The following FAM114A2 variants were observed in gnomAD, a reference collection of about 807,000 sequenced individuals.
FAM114A2 encodes the protein protein FAM114A2.
In FAM114A2, 53 loss-of-function variants were observed where a neutral mutation model predicts 58.4. The ratio of observed to expected loss-of-function variants is 0.91; its 90% CI spans 0.73 to 1.14. The LOEUF is 1.14. Ranked by LOEUF, FAM114A2 falls within the 50% of genes most tolerant of loss-of-function variation. The pLI, the probability that FAM114A2 is intolerant of heterozygous loss-of-function variation, is 0.00. For missense variants in FAM114A2, 601 were observed against 581.1 expected (o/e 1.03, Z -0.35); for synonymous variants, 228 against 211.4 (o/e 1.08, Z -0.68).
intron 2 of FAM114A2, 60 bp downstream of exon 2, chr5:154,034,684 C>A (rs547255282): frequency 7.9e-7 from 1 of 1,267,436 alleles, no homozygotes; most frequent in East Asian, 2.3e-5. Flanking sequence ...CTTTTAGCCC[C>A]AACATTTTTT....
intron 10 of FAM114A2, 31 bp downstream of exon 10, chr5:154,002,816 C>G (rs1181962560): frequency 6.2e-7 from 1 of 1,612,800 alleles, no homozygotes; most frequent in Admixed American, 1.7e-5. Context: ...TCTACTAAAA[C>G]AAACAAAAAA....
intron 9 of FAM114A2, among the ~76,000 whole-genome samples, chr5:154,007,441 C>T (rs1347171345): frequency 1.3e-5 from 2 of 152,114 alleles, no homozygotes; most frequent in Non-Finnish European, 2.9e-5. Flanking sequence ...ACTCCTAATT[C>T]AGTGCTCTTT....
intron 12 of FAM114A2, among the ~76,000 whole-genome samples, chr5:153,997,006 AAAAAG>A (rs956983775): frequency 2.6e-5 from 4 of 151,694 alleles, no homozygotes; most frequent in African/African-American, 7.3e-5. Context: ...AAAAAAAAAA[AAAAAG>A]AAAGAAAGAA....
intron 9 of FAM114A2, among the ~76,000 whole-genome samples, chr5:154,004,274 T>G (rs1454590931): frequency 6.6e-6 from 1 of 152,212 alleles, no homozygotes; most frequent in Non-Finnish European, 1.5e-5. Flanking sequence ...CTGACCTTTA[T>G]GACCATTTCT....
chr5:154,006,014 C>T (rs1217499192), intron 9 of FAM114A2, among the ~76,000 whole-genome samples: 1 of 152,232 alleles, frequency 6.6e-6, no homozygotes, highest in African/African-American at 2.4e-5. Flanking sequence ...TATCCTCCCA[C>T]AAAAACATTC....
At chr5:154,009,336 T>C (rs1770547925) in intron 9 of FAM114A2, among the ~76,000 whole-genome samples, 1 of 151,570 alleles carries the variant, frequency 6.6e-6, no homozygotes. Context: ...CAGTGATGAA[T>C]TACAAGCCAA....
At chr5:154,025,582 A>G (rs541609982) in intron 8 of FAM114A2, among the ~76,000 whole-genome samples, 1 of 152,156 alleles carries the variant, frequency 6.6e-6, no homozygotes, top group Non-Finnish European at 1.5e-5. Flanking sequence ...AACCTACTAC[A>G]TGGGTGATTG....
At position 153,997,856 on chromosome 5, in the gene FAM114A2, TACACA is replaced by T. The variant is rs1297180792; in HGVS notation, c.1271_1275del (p.Leu424Ter). On this transcript the variant is annotated frameshift_variant, in exon 12 of 14. Coordinates refer to ENST00000351797, the MANE Select transcript of FAM114A2 (RefSeq NM_018691.4). LOFTEE classifies it high-confidence loss of function. Reference sequence around the variant, plus strand: ...TCTTTAGACAGAGAGGACAACTCTTTACACAACACAATTGTCATCCTAGGAAAGAA... The same window carrying T: ...TCTTTAGACAGAGAGGACAACTCTTTACACAATTGTCATCCTAGGAAAGAA... 6.2e-7 allele frequency: 1 copy of T among 1,602,488 alleles called. No individual in the cohort carries two copies.
chr5:153,995,072 ATATTAAATATAAG>A, intron 12 of FAM114A2, 100 bp from the exon 13 acceptor site: 1 of 748,140 alleles, frequency 1.3e-6, no homozygotes, highest in Non-Finnish European at 2.4e-6. Context: ...CCATACATAA[ATATTAAATATAAG>A]CACAGAAGTC....
chr5:154,004,694 T>C (rs1770236176), intron 9 of FAM114A2, among the ~76,000 whole-genome samples: 1 of 150,296 alleles, frequency 6.7e-6, no homozygotes, highest in Admixed American at 6.7e-5. Flanking sequence ...CAAGATGGTC[T>C]GATTTTATCC....
chr5:154,021,344 A>G (rs1224895920), intron 8 of FAM114A2, among the ~76,000 whole-genome samples: 1 of 152,220 alleles, frequency 6.6e-6, no homozygotes, highest in African/African-American at 2.4e-5. Flanking sequence ...CTAGGAAAAG[A>G]GGAAGTCAAA....
At chr5:154,015,625 C>G (rs1176978880) in intron 8 of FAM114A2, among the ~76,000 whole-genome samples, 1 of 152,124 alleles carries the variant, frequency 6.6e-6, no homozygotes, top group Non-Finnish European at 1.5e-5. Flanking sequence ...CTGAACAACA[C>G]CCTTGAGCCC....
At chr5:154,024,185 G>A (rs1327047737) in intron 8 of FAM114A2, among the ~76,000 whole-genome samples, 3 of 152,126 alleles carry the variant, frequency 2.0e-5, no homozygotes, top group African/African-American at 7.2e-5. Context: ...TGCAGTTTAG[G>A]TCATTTAATC....
chr5:154,029,231 C>T (rs181724580), intron 5 of FAM114A2, among the ~76,000 whole-genome samples: 40 of 152,184 alleles, frequency 2.6e-4, no homozygotes, highest in African/African-American at 5.1e-4. Context: ...TAAAATAATA[C>T]GTATATTGCC....
intron 4 of FAM114A2, among the ~76,000 whole-genome samples, chr5:154,030,491 G>A (rs1272114596): frequency 6.6e-6 from 1 of 152,192 alleles, no homozygotes; most frequent in African/African-American, 2.4e-5. Flanking sequence ...GGCAGTACAA[G>A]ACTTCGGTTC....
chr5:154,011,348 C>T (rs1770685404), intron 8 of FAM114A2, 28 bp from the exon 9 acceptor site: 1 of 1,520,232 alleles, frequency 6.6e-7, no homozygotes, highest in Non-Finnish European at 9.1e-7. Context: ...ATATAAAACA[C>T]TCCAGAAAGA....
intron 8 of FAM114A2, among the ~76,000 whole-genome samples, chr5:154,022,613 GA>G (rs1561565433): frequency 1.3e-5 from 2 of 152,106 alleles, no homozygotes; most frequent in African/African-American, 4.8e-5. Flanking sequence ...TTAGAATGGC[GA>G]TCATTAAAAA....
chr5:154,031,187 T>C (rs1772167385), intron 4 of FAM114A2, among the ~76,000 whole-genome samples: 1 of 151,386 alleles, frequency 6.6e-6, no homozygotes, highest in Non-Finnish European at 1.5e-5. Context: ...TGGCCCATGC[T>C]TGCAATCCCA....
Position 154,002,288 on chromosome 5 carries a change from C to T in FAM114A2, c.1219G>A (p.Glu407Lys), listed in dbSNP as rs11748836. The T allele has an allele frequency of 0.061, 98,996 of 1,613,690 alleles. 3,727 individuals are homozygous for T. The highest frequency in any genetic ancestry group is 0.073 in the Non-Finnish European group (85,692 of 1,179,598). ...AALVLHGRKQ[E>K]VTAIERSQTL... Reference sequence around the variant, plus strand: ...TGGCTCCTTTCTATGGCTGTCACTTCCTGCTTCCTGCCATGCAGAACCAAT... The same window carrying T: ...TGGCTCCTTTCTATGGCTGTCACTTTCTGCTTCCTGCCATGCAGAACCAAT... Residue 407 changes from glutamate to lysine, a missense_variant, in exon 11 of 14, where the codon GAA becomes AAA. Glu to Lys is a moderately conservative substitution (Grantham distance 56). Transcript: ENST00000351797.
Sources: gnomAD v4.1 joint callset for allele counts (sites outside exome capture counted in the v4.1 genomes callset) on GRCh38, gnomAD v4.1.1 for gene constraint, MANE v1.5 for transcripts, NCBI Gene and HGNC (gene_info 2026-07-23, HGNC 2026-07-21) for gene names.